Variants in LHFPL3 observed in about 807,000 individuals in gnomAD.
LHFPL3 encodes LHFPL tetraspan subfamily member 3 protein.
LHFPL3 carries 5 observed loss-of-function variants against 19.3 expected under a neutral mutation model. The observed-to-expected ratio is 0.26, with a 90% confidence interval of 0.14 to 0.54. The LOEUF (loss-of-function observed/expected upper bound fraction) is 0.54. Ranked by LOEUF, LHFPL3 falls within the 20% of genes least tolerant of loss-of-function variation. LHFPL3 has a pLI of 0.94. For synonymous variants in LHFPL3, 133 were observed against 126.2 expected (o/e 1.05, Z -0.36); for missense variants, 249 against 307.4 (o/e 0.81, Z 1.42).
intron 1 of LHFPL3, among the ~76,000 whole-genome samples, chr7:104,415,609 C>G (rs10233854): frequency 0.16 from 23,946 of 152,152 alleles, 2,899 homozygotes; most frequent in African/African-American, 0.34. Context: ...CTTTCCAGTT[C>G]TTGGTAACCT....
At chr7:104,414,996 C>T (rs947505038) in intron 1 of LHFPL3, among the ~76,000 whole-genome samples, 4 of 151,998 alleles carry the variant, frequency 2.6e-5, no homozygotes, top group Non-Finnish European at 1.5e-5. Context: ...AGTTACATTT[C>T]GGGTAAATGT....
chr7:104,602,082 A>G (rs1295387948), intron 1 of LHFPL3, among the ~76,000 whole-genome samples: 3 of 117,274 alleles, frequency 2.6e-5, no homozygotes, highest in African/African-American at 6.6e-5. Flanking sequence ...GTACAGTGGC[A>G]TTATCTCAGT....
At position 104,867,719 on chromosome 7, in the gene LHFPL3, C is replaced by G. The variant is rs558217851; in HGVS notation, c.683-38468C>G. On this transcript the variant is annotated intron_variant, in intron 2 of 2. Coordinates refer to ENST00000424859, the MANE Select transcript of LHFPL3 (RefSeq NM_199000.3). The stretch of plus-strand genomic sequence containing the variant: ...CAGAAAAAGAGGGAATCCTCCCTAA[C>G]TCATTTTATGAGGCCAGCATCATCC... Among the ~76,000 whole-genome samples the G allele has an allele frequency of 5.6e-3, 851 of 152,304 alleles. 8 individuals carry two copies. Among genetic ancestry groups the G allele is most frequent in the African/African-American group, 0.02 (816 of 41,570 alleles).
At chr7:104,697,391 A>C (rs1232024938) in intron 1 of LHFPL3, among the ~76,000 whole-genome samples, 1 of 152,256 alleles carries the variant, frequency 6.6e-6, no homozygotes, top group Non-Finnish European at 1.5e-5. Flanking sequence ...CAAGAATATA[A>C]GGAGTATCAC....
chr7:104,746,587 C>G (rs1794051501), intron 2 of LHFPL3, among the ~76,000 whole-genome samples: 1 of 152,162 alleles, frequency 6.6e-6, no homozygotes, highest in East Asian at 1.9e-4. Flanking sequence ...AAAAAAATCA[C>G]ATTTCTGATA....
chr7:104,360,905 C>A (rs1790379588), intron 1 of LHFPL3, among the ~76,000 whole-genome samples: 1 of 152,144 alleles, frequency 6.6e-6, no homozygotes, highest in Non-Finnish European at 1.5e-5. Flanking sequence ...GGGCTAAATT[C>A]CTCTTGTGGA....
rs577342873 is a variant in LHFPL3, at chr7:104,620,101, T to C, written c.446-116574T>C. On this transcript the variant is annotated intron_variant, in intron 1 of 2. Coordinates refer to ENST00000424859, the MANE Select transcript of LHFPL3 (RefSeq NM_199000.3). The stretch of plus-strand genomic sequence containing the variant: ...GCTGCCTGGTTCTGATACGGGTCTG[T>C]GACCTGGGGATTGGGTACCCCTGAT... Among the ~76,000 whole-genome samples, 11 of 152,282 alleles carry C rather than the reference T, an allele frequency of 7.2e-5. 1 individual carries two copies. The South Asian group carries it at 2.1e-3, about 29-fold the overall frequency.
intron 1 of LHFPL3, among the ~76,000 whole-genome samples, chr7:104,510,654 AAC>A (rs931322125): frequency 6.6e-6 from 1 of 152,178 alleles, no homozygotes; most frequent in Non-Finnish European, 1.5e-5. Context: ...TGACATAAAA[AAC>A]ACAGTGCATA....
At chr7:104,482,397 G>T (rs1024325991) in intron 1 of LHFPL3, among the ~76,000 whole-genome samples, 1 of 152,170 alleles carries the variant, frequency 6.6e-6, no homozygotes, top group Non-Finnish European at 1.5e-5. Context: ...TTATTAAGGG[G>T]TCCAACAGGG....
chr7:104,373,181 G>T (rs1790646737), intron 1 of LHFPL3, among the ~76,000 whole-genome samples: 1 of 152,080 alleles, frequency 6.6e-6, no homozygotes, highest in African/African-American at 2.4e-5. Context: ...TCTCCCCTGT[G>T]ACATCTAATG....
intron 1 of LHFPL3, among the ~76,000 whole-genome samples, chr7:104,495,386 AT>A (rs869196257): frequency 1.8e-4 from 22 of 119,644 alleles, no homozygotes; most frequent in East Asian, 4.9e-4. Flanking sequence ...TAAAAAAAAA[AT>A]TTTTTTTCTT....
chr7:104,488,435 C>G (rs898987930), intron 1 of LHFPL3, among the ~76,000 whole-genome samples: 1 of 123,988 alleles, frequency 8.1e-6, no homozygotes, highest in African/African-American at 2.8e-5. Context: ...GATAAAAGGG[C>G]CAAGAAGGCA....
At chr7:104,649,666 T>G (rs907066420) in intron 1 of LHFPL3, among the ~76,000 whole-genome samples, 7 of 152,158 alleles carry the variant, frequency 4.6e-5, no homozygotes, top group Admixed American at 3.3e-4. Flanking sequence ...GGCACAAGAC[T>G]GTTAAAGGCA....
chr7:104,848,645 G>A (rs997193920), intron 2 of LHFPL3, among the ~76,000 whole-genome samples: 2 of 89,326 alleles, frequency 2.2e-5, no homozygotes, highest in Non-Finnish European at 7.1e-5. Context: ...GAGAGGAAGG[G>A]AAAAGGAGAA....
chr7:104,389,313 A>G (rs1214853212), intron 1 of LHFPL3, among the ~76,000 whole-genome samples: 2 of 152,208 alleles, frequency 1.3e-5, no homozygotes, highest in Admixed American at 6.5e-5. Flanking sequence ...AATACATTCA[A>G]TGAAAAGTAC....
intron 1 of LHFPL3, among the ~76,000 whole-genome samples, chr7:104,372,657 C>G (rs553298884): frequency 6.6e-6 from 1 of 152,202 alleles, no homozygotes; most frequent in Admixed American, 6.5e-5. Context: ...TCAGGGTCTT[C>G]ATTTGTAAAA....
At position 104,374,208 on chromosome 7, in the gene LHFPL3, A is replaced by ATGTGTGTGTGTG. The variant is rs1006955104; in HGVS notation, c.445+45006_445+45017dup. ...CTATTATCTATCTATCTATCTATAT[A>ATGTGTGTGTGTG]TGTGTGTGTGTGTGTGTGTGTGTGT... On this transcript the variant is annotated intron_variant, in intron 1 of 2. Transcript: ENST00000424859. Among the ~76,000 whole-genome samples, 35 of 147,152 alleles carry ATGTGTGTGTGTG rather than the reference A, an allele frequency of 2.4e-4. No individual in the cohort carries two copies. In the East Asian group the frequency reaches 6.0e-3, roughly 25 times the overall value.
chr7:104,441,758 T>C (rs1011093143), intron 1 of LHFPL3, among the ~76,000 whole-genome samples: 7 of 152,198 alleles, frequency 4.6e-5, no homozygotes, highest in Middle Eastern at 3.4e-3. Context: ...GTATTTTTAG[T>C]AGAGTTGGGG....
At chr7:104,520,220 T>C (rs941735452) in intron 1 of LHFPL3, among the ~76,000 whole-genome samples, 1 of 152,132 alleles carries the variant, frequency 6.6e-6, no homozygotes, top group Non-Finnish European at 1.5e-5. Flanking sequence ...GGTTTTTGTC[T>C]TTGCTTCTGT....
Sources: gnomAD v4.1 joint callset for allele counts (sites outside exome capture counted in the v4.1 genomes callset) on GRCh38, gnomAD v4.1.1 for gene constraint, MANE v1.5 for transcripts, NCBI Gene and HGNC (gene_info 2026-07-23, HGNC 2026-07-21) for gene names.